The following NPAS3 variants were observed in gnomAD, a reference collection of about 807,000 sequenced individuals.
The protein encoded by NPAS3 is neuronal PAS domain-containing protein 3.
In NPAS3, 14 loss-of-function variants were observed where a neutral mutation model predicts 73.1. That is an observed-to-expected ratio of 0.19 (90% CI 0.13 to 0.30). The LOEUF (loss-of-function observed/expected upper bound fraction) is 0.30. Ranked by LOEUF, NPAS3 falls within the 10% of genes least tolerant of loss-of-function variation. The pLI, the probability that NPAS3 is intolerant of heterozygous loss-of-function variation, is 1.00. For synonymous variants in NPAS3, 620 were observed against 541.5 expected (o/e 1.14, Z -2.01); for missense variants, 1,096 against 1,250.0 (o/e 0.88, Z 1.86).
chr14:32,940,905 A>G (rs2035963229), intron 1 of NPAS3, among the ~76,000 whole-genome samples: 1 of 152,222 alleles, frequency 6.6e-6, no homozygotes, highest in Non-Finnish European at 1.5e-5. Flanking sequence ...GATTCTGTAA[A>G]CATCATATAT....
At chr14:33,058,397 T>C (rs967203255) in intron 2 of NPAS3, among the ~76,000 whole-genome samples, 9 of 152,330 alleles carry the variant, frequency 5.9e-5, no homozygotes, top group Non-Finnish European at 1.3e-4. Flanking sequence ...GTGTGAATTA[T>C]CACTTGCCTG....
chr14:33,156,311 G>A (rs1327771323), intron 2 of NPAS3, among the ~76,000 whole-genome samples: 1 of 152,132 alleles, frequency 6.6e-6, no homozygotes, highest in Non-Finnish European at 1.5e-5. Flanking sequence ...CAGTGGCCTT[G>A]TTTTTACCTT....
intron 1 of NPAS3, among the ~76,000 whole-genome samples, chr14:32,948,441 T>C (rs1425413615): frequency 6.6e-6 from 1 of 152,132 alleles, no homozygotes. Context: ...AAATAAAATG[T>C]TACTTGAAGT....
intron 5 of NPAS3, among the ~76,000 whole-genome samples, chr14:33,626,146 T>C (rs899799446): frequency 6.6e-6 from 1 of 152,194 alleles, no homozygotes; most frequent in Admixed American, 6.5e-5. Context: ...TCCCACATCA[T>C]GTCTGTGTCT....
intron 4 of NPAS3, among the ~76,000 whole-genome samples, chr14:33,379,424 T>C (rs2046444406): frequency 6.6e-6 from 1 of 152,226 alleles, no homozygotes; most frequent in Non-Finnish European, 1.5e-5. Context: ...TGTAGGTTTT[T>C]ATACCTCTCT....
chr14:33,597,320 A>G lies in NPAS3; in HGVS notation c.558+37110A>G, dbSNP rs55925468. ...AGAGGTTTGACTCCTGTAAGCCAGT[A>G]TGGCTGCTCATTTCACGTATTTCAG... On this transcript the variant is annotated intron_variant, in intron 5 of 11. Transcript: ENST00000356141. Among the ~76,000 whole-genome samples, 1,070 of 152,336 alleles carry G rather than the reference A, an allele frequency of 7.0e-3. 10 individuals carry two copies. Among genetic ancestry groups the G allele is most frequent in the African/African-American group, 0.024 (1,004 of 41,570 alleles).
At chr14:33,458,985 G>A (rs2050137887) in intron 4 of NPAS3, among the ~76,000 whole-genome samples, 1 of 152,220 alleles carries the variant, frequency 6.6e-6, no homozygotes, top group African/African-American at 2.4e-5. Context: ...CAGCCCCAAA[G>A]GCTGCTGGTT....
intron 5 of NPAS3, among the ~76,000 whole-genome samples, chr14:33,672,273 T>TAGC (rs2059630633): frequency 6.6e-6 from 1 of 152,252 alleles, no homozygotes; most frequent in Non-Finnish European, 1.5e-5. Flanking sequence ...TATGATGCTA[T>TAGC]ATTATAATAC....
In NPAS3 at chr14:33,154,446, G is replaced by A. The variant is rs566496813; in HGVS notation, c.141-60736G>A. Among the ~76,000 whole-genome samples the A allele has an allele frequency of 1.4e-3, 217 of 152,316 alleles. 1 individual carries two copies. Among genetic ancestry groups the A allele is most frequent in the Non-Finnish European group, 2.6e-3 (179 of 68,022 alleles). ...CGGAAGCTGCGCTTTGAGCCCCATC[G>A]ACCAGGTGTCTCCTGCTTCGTGGTT... is the stretch of plus-strand genomic sequence containing the variant. On this transcript the variant is annotated intron_variant, in intron 2 of 11. Coordinates refer to ENST00000356141, the Ensembl canonical transcript of NPAS3.
intron 4 of NPAS3, among the ~76,000 whole-genome samples, chr14:33,531,984 T>C (rs375201202): frequency 6.8e-4 from 104 of 152,284 alleles, no homozygotes; most frequent in Non-Finnish European, 2.8e-4. Flanking sequence ...CTTGTCTGCC[T>C]CAGTCTCATG....
At position 33,502,353 on chromosome 14, in the gene NPAS3, G is replaced by A. The variant is rs145679804; in HGVS notation, c.469-57768G>A. Among the ~76,000 whole-genome samples the A allele has an allele frequency of 1.1e-3, 169 of 151,150 alleles. 1 individual carries two copies. Among genetic ancestry groups the A allele is most frequent in the African/African-American group, 3.2e-3 (132 of 41,206 alleles). ...AGAAGGATCCTTCTATGCTGCTAGC[G>A]CCCTGGCATTTACATCTAGCTTCTT... On this transcript the variant is annotated intron_variant, in intron 4 of 11. Transcript: ENST00000356141.
intron 3 of NPAS3, among the ~76,000 whole-genome samples, chr14:33,269,992 G>A (rs1387513269): frequency 1.3e-5 from 2 of 152,106 alleles, no homozygotes; most frequent in Non-Finnish European, 2.9e-5. Context: ...TAGTGAGGGA[G>A]TGCTCTCAAG....
At chr14:33,627,069 C>G (rs1044473913) in intron 5 of NPAS3, among the ~76,000 whole-genome samples, 5 of 151,486 alleles carry the variant, frequency 3.3e-5, no homozygotes, top group Non-Finnish European at 7.4e-5. Context: ...ATTCAATGAC[C>G]ATGTGAATTT....
chr14:33,350,754 A>T (rs773418717), intron 3 of NPAS3, among the ~76,000 whole-genome samples: 18 of 152,230 alleles, frequency 1.2e-4, no homozygotes, highest in Non-Finnish European at 2.1e-4. Context: ...GGCTAATAAA[A>T]TTTCAGATTG....
At chr14:33,708,280 G>C (rs2060715729) in intron 6 of NPAS3, among the ~76,000 whole-genome samples, 1 of 152,198 alleles carries the variant, frequency 6.6e-6, no homozygotes, top group Admixed American at 6.5e-5. Flanking sequence ...AGAAGACTTA[G>C]GTGCTTTAGA....
At chr14:33,393,879 G>A (rs572519895) in intron 4 of NPAS3, among the ~76,000 whole-genome samples, 1 of 152,058 alleles carries the variant, frequency 6.6e-6, no homozygotes, top group African/African-American at 2.4e-5. Context: ...GAATCTTTGC[G>A]ACTATAGTCA....
chr14:33,191,863 T>A (rs935155843), intron 2 of NPAS3, among the ~76,000 whole-genome samples: 3 of 152,230 alleles, frequency 2.0e-5, no homozygotes, highest in African/African-American at 4.8e-5. Flanking sequence ...CATAAATTTT[T>A]AAAAATAAGA....
At chr14:33,283,455 A>T (rs1224925078) in intron 3 of NPAS3, among the ~76,000 whole-genome samples, 2 of 152,224 alleles carry the variant, frequency 1.3e-5, no homozygotes, top group African/African-American at 4.8e-5. Context: ...CTGAAGTGCT[A>T]TCACTATCAA....
chr14:33,288,370 A>G (rs2041962963), intron 3 of NPAS3, among the ~76,000 whole-genome samples: 1 of 152,162 alleles, frequency 6.6e-6, no homozygotes, highest in South Asian at 2.1e-4. Flanking sequence ...TCATAGTCTC[A>G]CAAAGCCATT....
Sources: allele counts gnomAD v4.1 joint callset (sites outside exome capture counted in the v4.1 genomes callset), GRCh38; gene constraint gnomAD v4.1.1; transcripts MANE v1.5; gene names NCBI Gene and HGNC (gene_info 2026-07-23, HGNC 2026-07-21).